The following KIAA0513 variants were observed in gnomAD, a reference collection of about 807,000 sequenced individuals.
KIAA0513 encodes KIAA0513, also known as uncharacterized protein KIAA0513.
A neutral mutation model predicts 56.5 loss-of-function variants in KIAA0513; 39 were observed. The ratio of observed to expected loss-of-function variants is 0.69; its 90% confidence interval spans 0.53 to 0.90. The LOEUF is 0.90. KIAA0513 is among the 40% of genes least tolerant of loss of function. KIAA0513 has a pLI of 0.00. For missense variants in KIAA0513, 591 were observed against 535.2 expected (o/e 1.10, Z -1.03); for synonymous variants, 268 against 215.6 (o/e 1.24, Z -2.13).
rs528482905 is a variant in KIAA0513 at position 85,045,914 on chromosome 16, T to C, written c.-173+18056T>C. ...ACTTTCTGTACTTATCTTAGTCCCATGGCTGTGCTCCTGCAGGGCCAGGCA... is the reference window on the plus strand; with the variant it reads ...ACTTTCTGTACTTATCTTAGTCCCACGGCTGTGCTCCTGCAGGGCCAGGCA... On this transcript the variant is annotated intron_variant, in intron 1 of 12. Transcript: ENST00000683363. Among the ~76,000 whole-genome samples, 4 of 152,286 alleles carry C rather than the reference T, an allele frequency of 2.6e-5. No individual in the cohort carries two copies. In the East Asian group the frequency reaches 5.8e-4, roughly 22 times the overall value.
chr16:85,045,107 G>A (rs1307346822), intron 1 of KIAA0513, among the ~76,000 whole-genome samples: 2 of 151,872 alleles, frequency 1.3e-5, no homozygotes, highest in African/African-American at 4.8e-5. Flanking sequence ...GACAGAGCGA[G>A]ACTCCGTCTC....
rs1300896171 is a variant in KIAA0513, at chr16:85,093,833, A to T, written c.*5508A>T. The stretch of plus-strand genomic sequence containing the variant: ...CTAGAAATTCAGACAACACACATGG[A>T]TCCCCTTAAAACATGTAAATGTGTC... On this transcript the variant is annotated 3_prime_UTR_variant, in exon 13 of 13. Coordinates refer to ENST00000683363, the MANE Select transcript of KIAA0513 (RefSeq NM_001388359.1). 2.6e-5 allele frequency: 4 copies of T among 152,282 alleles called. No homozygotes were observed. The highest frequency in any genetic ancestry group is 9.7e-5 in the African/African-American group (4 of 41,440). The allele number at this position is 152,282 out of a possible 1,614,324, so 9.4% of individuals were successfully genotyped here.
At chr16:85,066,864 G>A in intron 1 of KIAA0513, 36 bp from the exon 2 acceptor site, 2 of 484,168 alleles carry the variant, frequency 4.1e-6, no homozygotes, top group Admixed American at 3.8e-5. Flanking sequence ...CTGGTGAGGA[G>A]TGGCGCTAAT....
chr16:85,078,422 G>A lies in KIAA0513; in HGVS notation c.790G>A (p.Glu264Lys), dbSNP rs760211220. 1.2e-6 allele frequency: 2 copies of A among 1,613,890 alleles called. No homozygotes were observed. The highest frequency in any genetic ancestry group is 2.2e-5 in the East Asian group (1 of 44,882). The change falls in exon 7 of 13, where the codon GAG (glutamate) becomes AAG (lysine). Residue 264 changes from glutamate to lysine, a missense_variant. By Grantham distance (56) the Glu-to-Lys change is moderately conservative. Coordinates refer to ENST00000683363, the MANE Select transcript of KIAA0513 (RefSeq NM_001388359.1). ...GPLARRNEED[E>K]NKPQEKRPRA... ...GTGCCTTCTCTCCCTCAGGGAAGAC[G>A]AGAACAAACCCCAGGAGAAGCGGCC...
rs1003265520 is a variant in KIAA0513 at position 85,089,508 on chromosome 16, C to T, written c.*1183C>T. ...GCCAGCCCATGGGCCCGGGGCCTGACCCCAACACCTGCATGCTGGGTCCAG... is the reference window on the plus strand; with the variant it reads ...GCCAGCCCATGGGCCCGGGGCCTGATCCCAACACCTGCATGCTGGGTCCAG... On this transcript the variant is annotated 3_prime_UTR_variant, in exon 13 of 13. Transcript: ENST00000683363. This position sits in a 1 kb window ranked among gnomAD's most constrained non-coding sequence, Gnocchi z 4.2. 1.2e-4 allele frequency: 19 copies of T among 152,512 alleles called. No individual in the cohort carries two copies. Among genetic ancestry groups the T allele is most frequent in the African/African-American group, 4.6e-4 (19 of 41,456 alleles). The allele number at this position is 152,512 out of a possible 1,614,324, so 9.4% of individuals were successfully genotyped here.
At chr16:85,031,169 C>A (rs576978366) in intron 1 of KIAA0513, among the ~76,000 whole-genome samples, 2 of 152,222 alleles carry the variant, frequency 1.3e-5, no homozygotes, top group South Asian at 4.1e-4. Context: ...AACTGAAGGA[C>A]AAAAGTAATC....
At chr16:85,056,845 T>A (rs989037540) in intron 1 of KIAA0513, among the ~76,000 whole-genome samples, 1 of 152,016 alleles carries the variant, frequency 6.6e-6, no homozygotes, top group Admixed American at 6.6e-5. Context: ...GTACTATAGG[T>A]GCATGCCTCC....
intron 1 of KIAA0513, 132 bp from the exon 2 acceptor site, chr16:85,066,768 G>A (rs992906728): frequency 8.4e-6 from 3 of 356,070 alleles, no homozygotes; most frequent in East Asian, 4.8e-5. Context: ...AAAGCGGACA[G>A]TAGGAAGATG....
In KIAA0513 at chr16:85,065,261, G is replaced by T. The variant is rs529688884; in HGVS notation, c.-172-1639G>T. 9.2e-5 allele frequency among the ~76,000 whole-genome samples: 14 copies of T among 152,330 alleles called. No individual in the cohort carries two copies. The East Asian group carries it at 1.7e-3, about 19-fold the overall frequency. The stretch of plus-strand genomic sequence containing the variant: ...CAATCTTGATGCCTCGGCCAGGGGG[G>T]ACCCATCAGAGACTAGGCGCCCTGG... On this transcript the variant is annotated intron_variant, in intron 1 of 12. Coordinates refer to ENST00000683363, the MANE Select transcript of KIAA0513 (RefSeq NM_001388359.1).
Position 85,081,052 on chromosome 16 carries a change from G to T in KIAA0513, c.903-263G>T, listed in dbSNP as rs1170958069. Among the ~76,000 whole-genome samples, 1 of 152,216 alleles carries T rather than the reference G, an allele frequency of 6.6e-6. No individual in the cohort carries two copies. The highest frequency in any genetic ancestry group is 1.5e-5 in the Non-Finnish European group (1 of 68,028). On this transcript the variant is annotated intron_variant, in intron 8 of 12. Transcript: ENST00000683363. The surrounding 1 kb of genome is among the most constrained non-coding windows in gnomAD (Gnocchi z 4.4). ...GCCCGCCAGTGCCCTCCTGCCTGCA[G>T]CGCAGCCCGGGTTATCATAGCTTTC... is the stretch of plus-strand genomic sequence containing the variant.
intron 10 of KIAA0513, among the ~76,000 whole-genome samples, chr16:85,083,978 A>G (rs1350983944): frequency 6.7e-6 from 1 of 150,356 alleles, no homozygotes; most frequent in Non-Finnish European, 1.5e-5. Context: ...CCAGATTCCC[A>G]CTGTAGCGGT....
intron 1 of KIAA0513, among the ~76,000 whole-genome samples, chr16:85,052,601 T>C (rs1446541884): frequency 6.6e-6 from 1 of 152,222 alleles, no homozygotes; most frequent in Non-Finnish European, 1.5e-5. Flanking sequence ...GCAATGAGTA[T>C]AGATTCTTGG....
At chr16:85,056,157 T>A (rs1487518034) in intron 1 of KIAA0513, among the ~76,000 whole-genome samples, 1 of 151,964 alleles carries the variant, frequency 6.6e-6, no homozygotes, top group African/African-American at 2.4e-5. Flanking sequence ...TAGCTGGGGG[T>A]TGGTTGCGAT....
chr16:85,067,238 A>G lies in KIAA0513; in HGVS notation c.167A>G (p.Asp56Gly). The change falls in exon 2 of 13, where the codon GAC (aspartate) becomes GGC (glycine). Residue 56 changes from aspartate (D) to glycine (G), a missense_variant. Coordinates refer to ENST00000683363, the MANE Select transcript of KIAA0513 (RefSeq NM_001388359.1). ...ACTGAGTCTGCGGACAGTGAGAATGACATGGGCGAGTCGCCCTCGCACCCG... is the reference window on the plus strand; with the variant it reads ...ACTGAGTCTGCGGACAGTGAGAATGGCATGGGCGAGTCGCCCTCGCACCCG... ...ETTESADSENDMGESPSHPSW... is the reference protein window; with the variant it reads ...ETTESADSENGMGESPSHPSW... The G allele has an allele frequency of 1.2e-6, 2 of 1,614,118 alleles. No homozygotes were observed. The highest frequency in any genetic ancestry group is 1.7e-5 in the Admixed American group (1 of 60,012).
intron 4 of KIAA0513, among the ~76,000 whole-genome samples, chr16:85,075,189 T>C (rs2073638512): frequency 1.4e-5 from 2 of 147,544 alleles, no homozygotes; most frequent in Non-Finnish European, 3.0e-5. Context: ...AGTTGATTAG[T>C]TTTTTATATA....
chr16:85,088,880 G>A lies in KIAA0513; in HGVS notation c.*555G>A. 6.5e-6 allele frequency: 1 copy of A among 153,866 alleles called. No individual in the cohort carries two copies. Among genetic ancestry groups the A allele is most frequent in the Non-Finnish European group, 1.4e-5 (1 of 69,030 alleles). The allele number at this position is 153,866 out of a possible 1,614,324, so 9.5% of individuals were successfully genotyped here. A position where few individuals can be genotyped will look rare whatever the true frequency, so the allele number is the denominator to read the frequency against. Reference sequence around the variant, plus strand: ...TCCCGCTGTGGGGCAGGAACAGGAAGTGACGGGAACCTTGAGGAGGAAACG... The same window carrying A: ...TCCCGCTGTGGGGCAGGAACAGGAAATGACGGGAACCTTGAGGAGGAAACG... On this transcript the variant is annotated 3_prime_UTR_variant, in exon 13 of 13. Coordinates refer to ENST00000683363, the MANE Select transcript of KIAA0513 (RefSeq NM_001388359.1).
intron 1 of KIAA0513, among the ~76,000 whole-genome samples, chr16:85,029,339 T>G (rs567976995): frequency 6.6e-6 from 1 of 152,364 alleles, no homozygotes; most frequent in African/African-American, 2.4e-5. Context: ...TTGCCTTTTG[T>G]ATGGGATGTG....
chr16:85,056,188 G>T (rs1000266134), intron 1 of KIAA0513, among the ~76,000 whole-genome samples: 3 of 152,250 alleles, frequency 2.0e-5, no homozygotes, highest in African/African-American at 4.8e-5. Flanking sequence ...ACGGTCTGCA[G>T]TGGGGATCCA....
chr16:85,082,693 G>A, intron 10 of KIAA0513, 100 bp downstream of exon 10: 4 of 1,289,396 alleles, frequency 3.1e-6, no homozygotes, highest in South Asian at 1.3e-5. Context: ...TGCTGCAGCA[G>A]GCACAGCCCA....
Sources: gnomAD v4.1 joint callset for allele counts (sites outside exome capture counted in the v4.1 genomes callset) on GRCh38, gnomAD v4.1.1 for gene constraint, Gnocchi (gnomAD v3.1) non-coding constraint, MANE v1.5 for transcripts, NCBI Gene and HGNC (gene_info 2026-07-23, HGNC 2026-07-21) for gene names.